PAMR1: variants seen among roughly 807,000 people sequenced by gnomAD.
The protein encoded by PAMR1 is inactive serine protease PAMR1.
A neutral mutation model predicts 81.8 loss-of-function variants in PAMR1; 88 were observed. That is an observed-to-expected ratio of 1.08 (90% CI 0.91 to 1.28). The LOEUF (loss-of-function observed/expected upper bound fraction) is 1.28, where lower values mean the gene tolerates loss of function less well. PAMR1 is among the 50% of genes most tolerant of loss of function. The probability of loss-of-function intolerance (pLI) is 0.00; values close to 1 mark genes in which losing one functional copy is unlikely to be tolerated. For missense variants in PAMR1, 935 were observed against 919.7 expected (o/e 1.02, Z -0.21); for synonymous variants, 336 against 345.3 (o/e 0.97, Z 0.30).
chr11:35,516,595 G>T (rs1254816252), intron 1 of PAMR1, among the ~76,000 whole-genome samples: 2 of 152,176 alleles, frequency 1.3e-5, no homozygotes, highest in Non-Finnish European at 2.9e-5. Flanking sequence ...ATGACAACAA[G>T]AACAATATTT....
chr11:35,434,368 G>A (rs953641567), intron 10 of PAMR1, 144 bp downstream of exon 10: 5 of 688,536 alleles, frequency 7.3e-6, no homozygotes, highest in Non-Finnish European at 1.2e-5. Context: ...ATCTCAATAT[G>A]AAATAATGAA....
chr11:35,454,271 T>A (rs548018730), intron 6 of PAMR1, among the ~76,000 whole-genome samples: 1 of 152,360 alleles, frequency 6.6e-6, no homozygotes, highest in African/African-American at 2.4e-5. Flanking sequence ...CACCACCCTG[T>A]ACTTCATATG....
upstream of PAMR1, chr11:35,525,712 C>T: frequency 1.3e-6 from 1 of 742,398 alleles, no homozygotes; most frequent in South Asian, 1.6e-5. Context: ...GGTTTCAGCT[C>T]GCCAGGCTCT....
chr11:35,468,236 G>T, intron 5 of PAMR1, 128 bp from the exon 6 acceptor site: 1 of 588,826 alleles, frequency 1.7e-6, no homozygotes, highest in Non-Finnish European at 3.1e-6. Flanking sequence ...TCCCTTTACT[G>T]AATTCATGTT....
Position 35,470,686 on chromosome 11 carries a change from G to C in PAMR1, c.627C>G (p.Ser209Arg). 6.2e-7 allele frequency: 1 copy of C among 1,613,934 alleles called. No individual in the cohort carries two copies. Among genetic ancestry groups the C allele is most frequent in the East Asian group, 2.2e-5 (1 of 44,876 alleles). Residue 209 changes from serine (S) to arginine (R), a missense_variant, in exon 5 of 11, where the codon AGC (serine) becomes AGG (arginine). Physicochemically the swap from Ser to Arg is moderately radical, Grantham distance 110. Transcript: ENST00000619888. ...CGNERPAPIQ[S>R]IGSSLHVLFH... is the part of the protein sequence containing the mutation. Reference sequence around the variant, plus strand: ...AGAGGACGTGGAGTGAGGATCCTATGCTCTGGATAGGAGCTGGCCGCTCGT... The same window carrying C: ...AGAGGACGTGGAGTGAGGATCCTATCCTCTGGATAGGAGCTGGCCGCTCGT...
chr11:35,518,143 C>T (rs999940894), intron 1 of PAMR1, among the ~76,000 whole-genome samples: 2 of 152,106 alleles, frequency 1.3e-5, no homozygotes, highest in African/African-American at 2.4e-5. Context: ...CATTGAGAAG[C>T]AGGCAGTTAA....
At chr11:35,438,496 C>A (rs1351863958) in intron 8 of PAMR1, among the ~76,000 whole-genome samples, 3 of 152,176 alleles carry the variant, frequency 2.0e-5, no homozygotes, top group Non-Finnish European at 4.4e-5. Context: ...GGTTTAGGAA[C>A]TTGCCCAAGA....
chr11:35,456,753 G>A (rs192345782), intron 6 of PAMR1, among the ~76,000 whole-genome samples: 12 of 152,244 alleles, frequency 7.9e-5, no homozygotes, highest in Admixed American at 7.2e-4. Context: ...AAACCCTTCA[G>A]AAGATACCAA....
intron 1 of PAMR1, among the ~76,000 whole-genome samples, chr11:35,515,157 C>T (rs10742350): frequency 0.35 from 53,370 of 152,086 alleles, 9,820 homozygotes; most frequent in East Asian, 0.62. Flanking sequence ...CAAACTATCC[C>T]ACCTGTTCCC....
chr11:35,447,708 C>T (rs1265919117), intron 6 of PAMR1, among the ~76,000 whole-genome samples: 1 of 152,166 alleles, frequency 6.6e-6, no homozygotes, highest in South Asian at 2.1e-4. Flanking sequence ...GGTTATTTTG[C>T]AGACTTGTTA....
Position 35,432,491 on chromosome 11 carries a change from T to A in PAMR1, c.2028A>T (p.Arg676=). The A allele has an allele frequency of 1.2e-6, 2 of 1,614,234 alleles. No individual in the cohort carries two copies. Among genetic ancestry groups the A allele is most frequent in the Non-Finnish European group, 1.7e-6 (2 of 1,180,052 alleles). The stretch of plus-strand genomic sequence containing the variant: ...GATGCCAGCGTGGCTCAGGAGATGC[T>A]CGTCCCGGGAAGGACACAGCCGCGA... ...GGIAAVSFPG[R]ASPEPRWHLM... Residue 676 remains arginine, a synonymous_variant, in exon 11 of 11, where the codon CGA becomes CGT. Coordinates refer to ENST00000619888, the MANE Select transcript of PAMR1 (RefSeq NM_001001991.3).
chr11:35,439,229 C>T (rs916239754), intron 8 of PAMR1, among the ~76,000 whole-genome samples: 9 of 152,170 alleles, frequency 5.9e-5, no homozygotes, highest in African/African-American at 2.2e-4. Flanking sequence ...CACTGGTTAC[C>T]TCCAAGCATA....
At chr11:35,485,842 C>A (rs1465422639) in intron 3 of PAMR1, among the ~76,000 whole-genome samples, 1 of 152,186 alleles carries the variant, frequency 6.6e-6, no homozygotes, top group Non-Finnish European at 1.5e-5. Flanking sequence ...CAGAAGGAAG[C>A]GCCTTCAGGA....
At chr11:35,485,930 T>C (rs1294377408) in intron 3 of PAMR1, among the ~76,000 whole-genome samples, 1 of 152,228 alleles carries the variant, frequency 6.6e-6, no homozygotes, top group Non-Finnish European at 1.5e-5. Context: ...CGGCGCTGTG[T>C]CCCAGCCATA....
At chr11:35,493,691 T>C (rs945155703) in intron 2 of PAMR1, among the ~76,000 whole-genome samples, 2 of 152,212 alleles carry the variant, frequency 1.3e-5, no homozygotes, top group African/African-American at 4.8e-5. Flanking sequence ...CCCATCCATG[T>C]TGCCATAGTA....
In PAMR1 at chr11:35,468,022, T is replaced by A. The variant is rs1171101559; in HGVS notation, c.799A>T (p.Thr267Ser). ...TCACGATTTTCACAGCGCTGCCCAG[T>A]ATAGCCTGCCAAGCAGGCACACTTG... ...SYKCACLAGYTGQRCENLLEE... is the reference protein window; with the variant it reads ...SYKCACLAGYSGQRCENLLEE... The change falls in exon 6 of 11, where the codon ACT becomes TCT. Residue 267 changes from threonine (T) to serine (S), a missense_variant. Thr to Ser is a moderately conservative substitution (Grantham distance 58). Transcript: ENST00000619888. The A allele has an allele frequency of 1.3e-6, 2 of 1,560,752 alleles. No homozygotes were observed. The highest frequency in any genetic ancestry group is 1.7e-6 in the Non-Finnish European group (2 of 1,150,548).
At chr11:35,458,371 G>T (rs940227030) in intron 6 of PAMR1, among the ~76,000 whole-genome samples, 1 of 151,950 alleles carries the variant, frequency 6.6e-6, no homozygotes, top group South Asian at 2.1e-4. Flanking sequence ...TTAATTATTT[G>T]TACCCTGCTT....
intron 1 of PAMR1, among the ~76,000 whole-genome samples, chr11:35,496,608 G>A (rs1850730339): frequency 6.6e-6 from 1 of 152,194 alleles, no homozygotes; most frequent in Non-Finnish European, 1.5e-5. Context: ...GGGAAAAATG[G>A]AAAACAAGTG....
intron 3 of PAMR1, among the ~76,000 whole-genome samples, chr11:35,488,379 TGGC>T (rs1850552134): frequency 6.6e-6 from 1 of 151,788 alleles, no homozygotes. Flanking sequence ...CCACCATGCC[TGGC>T]TGAATTTTTT....
Sources: allele counts gnomAD v4.1 joint callset (sites outside exome capture counted in the v4.1 genomes callset), GRCh38; gene constraint gnomAD v4.1.1; transcripts MANE v1.5; gene names NCBI Gene and HGNC (gene_info 2026-07-23, HGNC 2026-07-21).